Variants in CDK8 observed in about 807,000 individuals in gnomAD.
CDK8 encodes the protein cyclin dependent kinase 8, also known as cyclin-dependent kinase 8.
In CDK8, 29 loss-of-function variants were observed where a neutral mutation model predicts 71.5. The observed-to-expected ratio is 0.41, with a 90% CI of 0.30 to 0.55. CDK8 has a LOEUF of 0.55. Ranked by LOEUF, CDK8 falls within the 20% of genes least tolerant of loss-of-function variation. The probability of loss-of-function intolerance (pLI) is 0.37; values close to 1 mark genes in which losing one functional copy is unlikely to be tolerated. For missense variants in CDK8, 288 were observed against 572.6 expected (o/e 0.50, Z 5.07); for synonymous variants, 161 against 192.1 (o/e 0.84, Z 1.34).
intron 1 of CDK8, among the ~76,000 whole-genome samples, chr13:26,312,538 C>T (rs1874334364): frequency 2.0e-5 from 3 of 152,050 alleles, no homozygotes; most frequent in Admixed American, 6.6e-5. Context: ...TGCGGCTTCA[C>T]TCCTGAAGTC....
At chr13:26,278,064 TC>T (rs1872619558) in intron 1 of CDK8, among the ~76,000 whole-genome samples, 1 of 152,204 alleles carries the variant, frequency 6.6e-6, no homozygotes, top group Non-Finnish European at 1.5e-5. Context: ...ATTTGTTCTT[TC>T]TACAAATGGT....
At chr13:26,356,239 A>G (rs552544282) in intron 4 of CDK8, among the ~76,000 whole-genome samples, 25 of 152,306 alleles carry the variant, frequency 1.6e-4, no homozygotes, top group African/African-American at 5.8e-4. Flanking sequence ...GTTGCTTTTT[A>G]TTGTCACTAT....
intron 4 of CDK8, among the ~76,000 whole-genome samples, chr13:26,356,446 T>C (rs1021335595): frequency 6.6e-6 from 1 of 152,186 alleles, no homozygotes; most frequent in Non-Finnish European, 1.5e-5. Flanking sequence ...TAGTGTTCTT[T>C]ATAAACGTCT....
chr13:26,260,748 T>C (rs1031673550), intron 1 of CDK8, among the ~76,000 whole-genome samples: 3 of 152,188 alleles, frequency 2.0e-5, no homozygotes, highest in Non-Finnish European at 4.4e-5. Flanking sequence ...ACTTTGACAA[T>C]TAATTCTCTG....
At chr13:26,329,967 C>T (rs1226204491) in intron 1 of CDK8, among the ~76,000 whole-genome samples, 1 of 152,176 alleles carries the variant, frequency 6.6e-6, no homozygotes, top group Admixed American at 6.5e-5. Flanking sequence ...GTTTCCACTT[C>T]CTGGGGTGTC....
intron 3 of CDK8, 150 bp from the exon 4 acceptor site, chr13:26,353,590 G>A (rs905593030): frequency 1.6e-6 from 1 of 615,382 alleles, no homozygotes; most frequent in African/African-American, 1.9e-5. Flanking sequence ...GAATTTTAAA[G>A]TTGTTTATGT....
chr13:26,374,043 A>AAAAAAAAAAAT lies in CDK8; in HGVS notation c.457-8770_457-8769insAAAAAAAAATA, dbSNP rs147290719. 8.9e-4 allele frequency among the ~76,000 whole-genome samples: 99 copies of AAAAAAAAAAAT among 111,824 alleles called. 5 individuals carry two copies. Among genetic ancestry groups the AAAAAAAAAAAT allele is most frequent in the East Asian group, 1.9e-3 (7 of 3,672 alleles). The allele number at this position is 111,824 out of a possible 152,430, so 73.4% of individuals were successfully genotyped here. A position where few individuals can be genotyped will look rare whatever the true frequency, so the allele number is the denominator to read the frequency against. ...AAAAAAAAAAAAAAAAAAAACAAAAAACAAAAAATTAGCTGGGCGTGGTGG... is the reference window on the plus strand; with the variant it reads ...AAAAAAAAAAAAAAAAAAAACAAAAAAAAAAAAAAATACAAAAAATTAGCTGGGCGTGGTGG... On this transcript the variant is annotated intron_variant, in intron 4 of 12. Transcript: ENST00000381527.
At chr13:26,360,592 C>T (rs1194608833) in intron 4 of CDK8, among the ~76,000 whole-genome samples, 1 of 152,126 alleles carries the variant, frequency 6.6e-6, no homozygotes, top group Non-Finnish European at 1.5e-5. Context: ...ATATGGTAAT[C>T]TATTTGATTA....
At chr13:26,293,009 A>G (rs1873371783) in intron 1 of CDK8, among the ~76,000 whole-genome samples, 1 of 152,160 alleles carries the variant, frequency 6.6e-6, no homozygotes, top group South Asian at 2.1e-4. Context: ...GTTAGAAAGT[A>G]TTTGTCCTGT....
intron 1 of CDK8, among the ~76,000 whole-genome samples, chr13:26,296,110 A>G (rs1329151274): frequency 1.3e-5 from 2 of 152,172 alleles, no homozygotes; most frequent in Admixed American, 6.5e-5. Flanking sequence ...AATTGATTCT[A>G]TCCCATCCGA....
intron 9 of CDK8, among the ~76,000 whole-genome samples, chr13:26,397,721 C>G (rs920125938): frequency 7.2e-5 from 11 of 151,992 alleles, no homozygotes; most frequent in African/African-American, 2.7e-4. Context: ...GTGATAGATG[C>G]CATATTTATC....
intron 1 of CDK8, among the ~76,000 whole-genome samples, chr13:26,260,529 T>C (rs1871727413): frequency 6.6e-6 from 1 of 152,126 alleles, no homozygotes; most frequent in Non-Finnish European, 1.5e-5. Context: ...TTTCATATGC[T>C]GCTGAGGTGA....
At chr13:26,353,533 A>G (rs554533665) in intron 3 of CDK8, among the ~76,000 whole-genome samples, 3 of 152,254 alleles carry the variant, frequency 2.0e-5, no homozygotes, top group Admixed American at 6.5e-5. Flanking sequence ...ATCTCCTGAA[A>G]TGCTGTCATA....
At position 26,404,934 on chromosome 13, in the gene CDK8, G is replaced by A. The variant is rs1201356911; in HGVS notation, c.*853G>A. ...CATGAATGATAACTTCCTTAAAAAG[G>A]TGCGGCATCCAATTCAAATATTTTC... On this transcript the variant is annotated 3_prime_UTR_variant, in exon 13 of 13. Coordinates refer to ENST00000381527, the MANE Select transcript of CDK8 (RefSeq NM_001260.3). 1.5e-5 allele frequency: 3 copies of A among 205,426 alleles called. No individual in the cohort carries two copies. Among genetic ancestry groups the A allele is most frequent in the African/African-American group, 6.9e-5 (3 of 43,792 alleles). 12.7% of individuals were successfully genotyped at this position (205,426 alleles called of 1,614,324 possible). A position where few individuals can be genotyped will look rare whatever the true frequency, so the allele number is the denominator to read the frequency against.
intron 1 of CDK8, among the ~76,000 whole-genome samples, chr13:26,299,066 A>G (rs1873695007): frequency 6.6e-6 from 1 of 152,212 alleles, no homozygotes; most frequent in Admixed American, 6.5e-5. Flanking sequence ...AAAGGCTAAG[A>G]TCTTAGTAAA....
At chr13:26,327,050 A>G (rs985707603) in intron 1 of CDK8, among the ~76,000 whole-genome samples, 2 of 152,312 alleles carry the variant, frequency 1.3e-5, no homozygotes, top group East Asian at 1.9e-4. Flanking sequence ...TTGATTGTCC[A>G]TGATTAATAA....
intron 1 of CDK8, among the ~76,000 whole-genome samples, chr13:26,297,603 G>T (rs1205619754): frequency 6.6e-6 from 1 of 152,024 alleles, no homozygotes; most frequent in Non-Finnish European, 1.5e-5. Flanking sequence ...TGCCATACTG[G>T]TTATTAACAG....
At chr13:26,312,176 G>T (rs147015383) in intron 1 of CDK8, among the ~76,000 whole-genome samples, 1 of 152,046 alleles carries the variant, frequency 6.6e-6, no homozygotes, top group South Asian at 2.1e-4. Context: ...AACAATCAGC[G>T]CTCTGTGTCT....
At chr13:26,361,535 T>C (rs1037848500) in intron 4 of CDK8, among the ~76,000 whole-genome samples, 1 of 152,192 alleles carries the variant, frequency 6.6e-6, no homozygotes, top group Non-Finnish European at 1.5e-5. Context: ...TATTTTATAA[T>C]AAATTTGTTG....
Sources: allele counts gnomAD v4.1 joint callset (sites outside exome capture counted in the v4.1 genomes callset), GRCh38; gene constraint gnomAD v4.1.1; transcripts MANE v1.5; gene names NCBI Gene and HGNC (gene_info 2026-07-23, HGNC 2026-07-21).